Variants in CRY1 observed in about 807,000 individuals in gnomAD.
The protein encoded by CRY1 is cryptochrome circadian regulator 1, also known as cryptochrome-1.
A neutral mutation model predicts 76.0 loss-of-function variants in CRY1; 45 were observed. The ratio of observed to expected loss-of-function variants is 0.59; its 90% CI spans 0.47 to 0.76. CRY1 has a LOEUF of 0.76. Among genes scored for constraint, CRY1 ranks in the 30% least tolerant of loss-of-function variants. The pLI, the probability that CRY1 is intolerant of heterozygous loss-of-function variation, is 0.00. For missense variants in CRY1, 587 were observed against 716.4 expected (o/e 0.82, Z 2.06); for synonymous variants, 248 against 244.0 (o/e 1.02, Z -0.15).
rs751277051 is a variant in CRY1, at chr12:107,001,931, C to T, written c.428G>A (p.Gly143Asp). Residue 143 changes from glycine to aspartate, a missense_variant, in exon 4 of 13, where the codon GGT becomes GAT. Gly to Asp is a moderately conservative substitution (Grantham distance 94, BLOSUM62 -1). Coordinates refer to ENST00000008527, the MANE Select transcript of CRY1 (RefSeq NM_004075.5). ...YDLDKIIELN[G>D]GQPPLTYKRF... The stretch of plus-strand genomic sequence containing the variant: ...TTTATAAGTTAGAGGCGGTTGTCCA[C>T]CATTGAGTTCTATGATCCTATAACA... 2 of 1,593,290 alleles carry T rather than the reference C, an allele frequency of 1.3e-6. No homozygotes were observed. Among genetic ancestry groups the T allele is most frequent in the African/African-American group, 1.4e-5 (1 of 73,404 alleles).
chr12:107,009,557 A>AAAC (rs199729925), intron 2 of CRY1, among the ~76,000 whole-genome samples: 21 of 41,834 alleles, frequency 5.0e-4, no homozygotes, highest in South Asian at 2.5e-3. Flanking sequence ...CAAAAAAACA[A>AAAC]AAAAACATAT....
rs146621371 is a variant in CRY1, at chr12:107,073,328, G to A, written c.158+19476C>T. ...TCGGCTCACTGCATTCTGTCTCCCT[G>A]GTTCAACTGATCCTCTTGCCTCAGC... On this transcript the variant is annotated intron_variant, in intron 1 of 12. Transcript: ENST00000008527. Among the ~76,000 whole-genome samples, 628 of 151,742 alleles carry A rather than the reference G, an allele frequency of 4.1e-3. 3 individuals are homozygous for A. The highest frequency in any genetic ancestry group is 6.2e-3 in the Non-Finnish European group (424 of 67,918).
intron 5 of CRY1, among the ~76,000 whole-genome samples, chr12:107,000,340 T>C (rs867016888): frequency 6.6e-6 from 1 of 151,998 alleles, no homozygotes; most frequent in African/African-American, 2.4e-5. Flanking sequence ...TGAGAGCACC[T>C]TCAATCTCTC....
chr12:107,051,058 G>A (rs1163942003), intron 1 of CRY1, among the ~76,000 whole-genome samples: 1 of 152,158 alleles, frequency 6.6e-6, no homozygotes, highest in African/African-American at 2.4e-5. Context: ...AAGAAAGGTG[G>A]AGAAACAGTT....
intron 1 of CRY1, among the ~76,000 whole-genome samples, chr12:107,023,991 C>T (rs1952583405): frequency 6.6e-6 from 1 of 152,132 alleles, no homozygotes; most frequent in Non-Finnish European, 1.5e-5. Flanking sequence ...ATTTGCTTGG[C>T]AAGAAGAGTT....
intron 1 of CRY1, among the ~76,000 whole-genome samples, chr12:107,056,330 T>C (rs553702261): frequency 6.6e-6 from 1 of 152,310 alleles, no homozygotes; most frequent in East Asian, 1.9e-4. Flanking sequence ...AAGTAAAGAA[T>C]TTATAGGCTG....
intron 1 of CRY1, among the ~76,000 whole-genome samples, chr12:107,077,579 T>C (rs117576185): frequency 0.014 from 2,185 of 152,334 alleles, 23 homozygotes; most frequent in Non-Finnish European, 0.02. Flanking sequence ...TCACCTTATC[T>C]ATATATTTTA....
intron 1 of CRY1, among the ~76,000 whole-genome samples, chr12:107,073,241 C>T (rs1953212987): frequency 6.6e-6 from 1 of 150,762 alleles, no homozygotes; most frequent in Non-Finnish European, 1.5e-5. Flanking sequence ...CTCTCTCTCT[C>T]TCTTTTTTTT....
intron 1 of CRY1, among the ~76,000 whole-genome samples, chr12:107,063,666 C>T (rs1250628734): frequency 2.0e-5 from 3 of 152,068 alleles, no homozygotes; most frequent in Admixed American, 1.3e-4. Context: ...GGTGCGATCT[C>T]GGCTCACTGC....
intron 5 of CRY1, among the ~76,000 whole-genome samples, chr12:107,000,433 C>A (rs1325418815): frequency 6.6e-6 from 1 of 151,838 alleles, no homozygotes; most frequent in Non-Finnish European, 1.5e-5. Flanking sequence ...CTCACTGCAA[C>A]CTCCAGCTCC....
chr12:107,036,870 A>G (rs1199439370), intron 1 of CRY1, among the ~76,000 whole-genome samples: 1 of 152,100 alleles, frequency 6.6e-6, no homozygotes, highest in Non-Finnish European at 1.5e-5. Context: ...CTCTGAAGTG[A>G]GGCTCTCTCT....
intron 2 of CRY1, among the ~76,000 whole-genome samples, chr12:107,014,400 A>AG (rs753095297): frequency 1.3e-4 from 20 of 152,308 alleles, no homozygotes; most frequent in Non-Finnish European, 2.8e-4. Context: ...CTGCTAGCCC[A>AG]GGGAAAAAAA....
chr12:106,997,171 G>T (rs886564811), intron 10 of CRY1, 123 bp downstream of exon 10: 4 of 865,510 alleles, frequency 4.6e-6, no homozygotes, highest in Non-Finnish European at 7.5e-6. Flanking sequence ...TGCATACAAA[G>T]AATCTATTAA....
chr12:107,007,631 G>C (rs553751803), intron 2 of CRY1, among the ~76,000 whole-genome samples: 24 of 151,656 alleles, frequency 1.6e-4, no homozygotes, highest in Non-Finnish European at 1.9e-4. Context: ...CAGGACTTGA[G>C]CAATTCTCCC....
At chr12:107,004,027 G>A (rs1368496399) in intron 3 of CRY1, among the ~76,000 whole-genome samples, 2 of 152,026 alleles carry the variant, frequency 1.3e-5, no homozygotes, top group African/African-American at 4.8e-5. Flanking sequence ...GGCTGGTCTT[G>A]AACTCCTGAC....
At chr12:107,015,916 G>A (rs1464623616) in intron 2 of CRY1, among the ~76,000 whole-genome samples, 1 of 152,142 alleles carries the variant, frequency 6.6e-6, no homozygotes, top group East Asian at 1.9e-4. Context: ...AAACTCCTGG[G>A]CTCAAGCACT....
intron 1 of CRY1, among the ~76,000 whole-genome samples, chr12:107,068,104 G>A (rs1219589240): frequency 3.9e-5 from 6 of 152,136 alleles, no homozygotes; most frequent in Non-Finnish European, 8.8e-5. Context: ...AAGTGTTACT[G>A]GAACACAGAC....
At chr12:107,091,299 ATT>A (rs1953469170) in intron 1 of CRY1, among the ~76,000 whole-genome samples, 1 of 152,102 alleles carries the variant, frequency 6.6e-6, no homozygotes, top group Admixed American at 6.5e-5. Context: ...AAGTGCTGGG[ATT>A]ACAGGGATGA....
At chr12:107,025,860 T>C (rs1015244356) in intron 1 of CRY1, among the ~76,000 whole-genome samples, 3 of 151,730 alleles carry the variant, frequency 2.0e-5, no homozygotes, top group Non-Finnish European at 4.4e-5. Context: ...CTCATACCCC[T>C]TTCTCTCACA....
Sources: allele counts gnomAD v4.1 joint callset (sites outside exome capture counted in the v4.1 genomes callset), GRCh38; gene constraint gnomAD v4.1.1; transcripts MANE v1.5; gene names NCBI Gene and HGNC (gene_info 2026-07-23, HGNC 2026-07-21).